MARCHF3: variants seen among roughly 807,000 people sequenced by gnomAD.
MARCHF3 encodes the protein E3 ubiquitin-protein ligase MARCHF3.
Under a neutral mutation model 24.2 loss-of-function variants are expected in MARCHF3, and 13 were observed. The ratio of observed to expected loss-of-function variants is 0.54; its 90% CI spans 0.35 to 0.85. The LOEUF (loss-of-function observed/expected upper bound fraction) is 0.85. Ranked by LOEUF, MARCHF3 falls within the 40% of genes least tolerant of loss-of-function variation. The probability of loss-of-function intolerance (pLI) is 0.01; values close to 1 mark genes in which losing one functional copy is unlikely to be tolerated. For missense variants in MARCHF3, 276 were observed against 325.0 expected (o/e 0.85, Z 1.16); for synonymous variants, 144 against 137.3 (o/e 1.05, Z -0.34).
intron 1 of MARCHF3, among the ~76,000 whole-genome samples, chr5:126,923,883 G>A (rs189919093): frequency 2.5e-4 from 38 of 152,252 alleles, no homozygotes; most frequent in African/African-American, 9.1e-4. Flanking sequence ...TCTACAACCA[G>A]AGTTGGTTGA....
chr5:126,997,652 T>A (rs1361629686), intron 1 of MARCHF3, among the ~76,000 whole-genome samples: 1 of 152,240 alleles, frequency 6.6e-6, no homozygotes, highest in Non-Finnish European at 1.5e-5. Context: ...AGTAGAATCA[T>A]CTATTCAGTT....
chr5:126,984,466 G>C (rs527595986), intron 1 of MARCHF3, among the ~76,000 whole-genome samples: 2 of 152,272 alleles, frequency 1.3e-5, no homozygotes, highest in African/African-American at 2.4e-5. Flanking sequence ...GTCCATAGGG[G>C]AACCAGTAGG....
chr5:126,959,877 C>T (rs1023672615), intron 1 of MARCHF3, among the ~76,000 whole-genome samples: 8 of 152,132 alleles, frequency 5.3e-5, no homozygotes, highest in African/African-American at 1.9e-4. Flanking sequence ...AGCACTTCCT[C>T]TACTAATTAC....
intron 1 of MARCHF3, among the ~76,000 whole-genome samples, chr5:126,939,914 G>A (rs1189592330): frequency 4.6e-5 from 7 of 152,098 alleles, no homozygotes; most frequent in Non-Finnish European, 1.0e-4. Context: ...GTGCATGAAC[G>A]AAGCTTACCT....
intron 1 of MARCHF3, among the ~76,000 whole-genome samples, chr5:126,984,023 C>A (rs1162309970): frequency 7.9e-5 from 12 of 151,340 alleles, no homozygotes; most frequent in Admixed American, 4.0e-4. Context: ...TGATCTACAG[C>A]TAACTGGATA....
In MARCHF3 at chr5:127,012,182, T is replaced by G. The variant is rs201538112; in HGVS notation, c.-57+18168A>C. Among the ~76,000 whole-genome samples the G allele has an allele frequency of 5.3e-5, 8 of 152,360 alleles. No individual in the cohort carries two copies. The East Asian group carries it at 1.5e-3, about 29-fold the overall frequency. ...GATGCTCACACATGGGAAACACAGT[T>G]ATTTTTATATTTAGCACAAAATGTA... On this transcript the variant is annotated intron_variant, in intron 1 of 4. Transcript: ENST00000308660.
At chr5:126,978,457 T>C (rs1193615091) in intron 1 of MARCHF3, among the ~76,000 whole-genome samples, 1 of 152,136 alleles carries the variant, frequency 6.6e-6, no homozygotes, top group Non-Finnish European at 1.5e-5. Flanking sequence ...GCTTAGTAGA[T>C]ACTAAGGTTT....
Position 126,977,436 on chromosome 5 carries a change from C to G in MARCHF3, c.-57+52914G>C, listed in dbSNP as rs149186818. ...ACTTCTACCCCCAACCCATCTACCT[C>G]TAATGTATATTTCCTTGCCAGCCAC... On this transcript the variant is annotated intron_variant, in intron 1 of 4. Coordinates refer to ENST00000308660, the MANE Select transcript of MARCHF3 (RefSeq NM_178450.5). Among the ~76,000 whole-genome samples the G allele has an allele frequency of 3.1e-4, 47 of 152,338 alleles. No homozygotes were observed. In the East Asian group the frequency reaches 8.3e-3, roughly 27 times the overall value.
intron 4 of MARCHF3, among the ~76,000 whole-genome samples, chr5:126,874,407 A>T (rs1399110003): frequency 6.6e-6 from 1 of 152,018 alleles, no homozygotes; most frequent in Non-Finnish European, 1.5e-5. Flanking sequence ...ACCAACATGG[A>T]GAAACCCCGT....
At chr5:127,013,188 G>C (rs991538751) in intron 1 of MARCHF3, among the ~76,000 whole-genome samples, 4 of 152,138 alleles carry the variant, frequency 2.6e-5, no homozygotes, top group African/African-American at 9.7e-5. Context: ...CAAAATACTT[G>C]AGAAATATTC....
intron 1 of MARCHF3, among the ~76,000 whole-genome samples, chr5:126,957,193 C>G (rs1372067106): frequency 6.6e-6 from 1 of 152,122 alleles, no homozygotes; most frequent in African/African-American, 2.4e-5. Context: ...TTTGTCTATT[C>G]ATGTCTTTTC....
In MARCHF3 at chr5:126,869,038, G is replaced by A. The variant is rs562652002; in HGVS notation, c.*1595C>T. ...CCATAAAGCACATCTGAGTTTTGCA[G>A]CGGAGAGCAGTACAGCTGTTTCCCT... On this transcript the variant is annotated 3_prime_UTR_variant, in exon 5 of 5. Transcript: ENST00000308660. 5.3e-5 allele frequency: 8 copies of A among 152,368 alleles called. No homozygotes were observed. Among genetic ancestry groups the A allele is most frequent in the African/African-American group, 1.9e-4 (8 of 41,576 alleles). The allele number at this position is 152,368 out of a possible 1,614,324, so 9.4% of individuals were successfully genotyped here.
At chr5:126,887,460 A>G (rs1753545647) in intron 3 of MARCHF3, among the ~76,000 whole-genome samples, 1 of 152,246 alleles carries the variant, frequency 6.6e-6, no homozygotes, top group South Asian at 2.1e-4. Flanking sequence ...ATCTGCTACA[A>G]AAGTGCTAAA....
chr5:126,901,887 TCTC>T (rs1754117218), intron 3 of MARCHF3, among the ~76,000 whole-genome samples: 1 of 152,126 alleles, frequency 6.6e-6, no homozygotes, highest in African/African-American at 2.4e-5. Flanking sequence ...ACATTTCAAT[TCTC>T]CTCTCTCAGA....
intron 3 of MARCHF3, among the ~76,000 whole-genome samples, chr5:126,882,431 G>C (rs1753374168): frequency 2.0e-5 from 3 of 152,186 alleles, no homozygotes; most frequent in Admixed American, 2.0e-4. Flanking sequence ...TAATTTCTGG[G>C]TGTTTAATCT....
intron 1 of MARCHF3, among the ~76,000 whole-genome samples, chr5:126,994,060 G>T (rs768449078): frequency 1.3e-5 from 2 of 152,126 alleles, no homozygotes; most frequent in African/African-American, 2.4e-5. Context: ...ACAAAAAATG[G>T]TATACGCATG....
chr5:127,025,527 CT>C (rs1183397007), intron 1 of MARCHF3, among the ~76,000 whole-genome samples: 1 of 152,154 alleles, frequency 6.6e-6, no homozygotes, highest in Non-Finnish European at 1.5e-5. Flanking sequence ...CACCCCACCC[CT>C]GACCCTTCAC....
chr5:126,907,161 G>C (rs1754329066), intron 3 of MARCHF3, among the ~76,000 whole-genome samples: 1 of 150,818 alleles, frequency 6.6e-6, no homozygotes, highest in Non-Finnish European at 1.5e-5. Flanking sequence ...GTTCTAGTTT[G>C]ATTGCACTGT....
chr5:126,935,268 C>T (rs563606461), intron 1 of MARCHF3, among the ~76,000 whole-genome samples: 1 of 152,106 alleles, frequency 6.6e-6, no homozygotes, highest in African/African-American at 2.4e-5. Flanking sequence ...GTTTGCCCTC[C>T]CTCATGTGGG....
Sources: allele counts gnomAD v4.1 joint callset (sites outside exome capture counted in the v4.1 genomes callset), GRCh38; gene constraint gnomAD v4.1.1; transcripts MANE v1.5; gene names NCBI Gene and HGNC (gene_info 2026-07-23, HGNC 2026-07-21).